KLF10: variants seen among roughly 807,000 people sequenced by gnomAD.
The protein encoded by KLF10 is KLF transcription factor 10, also known as Krueppel-like factor 10.
KLF10 carries 17 observed loss-of-function variants against 31.6 expected under a neutral mutation model. The ratio of observed to expected loss-of-function variants is 0.54; its 90% CI spans 0.37 to 0.81. KLF10 has a LOEUF of 0.81. Among genes scored for constraint, KLF10 ranks in the 30% least tolerant of loss-of-function variants. The pLI is 0.00. For missense variants in KLF10, 525 were observed against 598.1 expected (o/e 0.88, Z 1.27); for synonymous variants, 239 against 215.1 (o/e 1.11, Z -0.97).
intron 1 of KLF10, among the ~76,000 whole-genome samples, chr8:102,654,641 G>A (rs1381421199): frequency 2.6e-5 from 4 of 151,698 alleles, no homozygotes; most frequent in East Asian, 2.0e-4. Context: ...TAGACGCGGC[G>A]CCCCCTCCCC....
At chr8:102,654,244 G>A (rs1827302539) in intron 1 of KLF10, 1 of 146,300 alleles carries the variant, frequency 6.8e-6, no homozygotes, top group African/African-American at 2.5e-5. Flanking sequence ...CGGGGGAGGG[G>A]CCGCGGGCGC....
intron 1 of KLF10, chr8:102,654,095 G>C (rs1181504044): frequency 8.5e-6 from 3 of 352,770 alleles, no homozygotes; most frequent in African/African-American, 6.7e-5. Context: ...CGGGGGCGTG[G>C]GCGAGGAGGG....
In KLF10 at chr8:102,651,752, C is replaced by G. The variant is rs1827218175; in HGVS notation, c.580G>C (p.Glu194Gln). 1.2e-6 allele frequency: 2 copies of G among 1,614,126 alleles called. No homozygotes were observed. The highest frequency in any genetic ancestry group is 1.7e-6 in the Non-Finnish European group (2 of 1,180,054). Residue 194 changes from glutamate to glutamine, a missense_variant, in exon 3 of 4, where the codon GAG becomes CAG. Glu to Gln is a conservative substitution (Grantham distance 29). Around this residue, in one of 3 missense-constraint regions of KLF10, gnomAD observed 434 missense variants for 450.7 expected, o/e 0.96. Transcript: ENST00000285407. ...CATGGTATGTTCTTTCTTGCAGCCT[C>G]AACATTTAGGTGGGTTCTTCTTCTA... ...SFRRRTHLNV[E>Q]AARKNIPCAA...
chr8:102,654,290 C>A (rs1827303973), intron 1 of KLF10: 1 of 145,022 alleles, frequency 6.9e-6, no homozygotes, highest in African/African-American at 2.5e-5. Flanking sequence ...GCCGGGCCCG[C>A]GGGGAGGGGC....
In KLF10 at chr8:102,653,975, G is replaced by A. The variant is rs1368401854; in HGVS notation, c.37-1578C>T. The A allele has an allele frequency of 1.3e-5, 13 of 985,708 alleles. No homozygotes were observed. The South Asian group carries it at 3.7e-4, about 28-fold the overall frequency. 61.1% of individuals were successfully genotyped at this position (985,708 alleles called of 1,614,324 possible). ...CGCCCTAACCTCAATGAGGCTCACG[G>A]GTGAGTCACTGGGAACATTCCTCGC... On this transcript the variant is annotated intron_variant, in intron 1 of 3. Transcript: ENST00000285407.
chr8:102,652,095 C>A (rs370557123), intron 2 of KLF10, 34 bp from the exon 3 acceptor site: 21 of 1,516,604 alleles, frequency 1.4e-5, no homozygotes, highest in Admixed American at 4.4e-5. Context: ...CATGAGAAAT[C>A]TACAGTTTAT....
chr8:102,651,964 G>A lies in KLF10; in HGVS notation c.368C>T (p.Ser123Leu). The A allele has an allele frequency of 6.2e-7, 1 of 1,614,056 alleles. No homozygotes were observed. Among genetic ancestry groups the A allele is most frequent in the Non-Finnish European group, 8.5e-7 (1 of 1,180,032 alleles). Residue 123 changes from serine to leucine, a missense_variant, in exon 3 of 4, where the codon TCA becomes TTA. Physicochemically the swap from Ser to Leu is moderately radical, Grantham distance 145 (BLOSUM62 -2). Coordinates refer to ENST00000285407, the MANE Select transcript of KLF10 (RefSeq NM_005655.4). The part of the protein sequence containing the change: ...APSTVHFKSL[S>L]DTAKPHIAAP... Reference sequence around the variant, plus strand: ...GGCAATGTGAGGTTTGGCAGTATCTGAGAGTGACTTGAAGTGTACAGTAGA... The same window carrying A: ...GGCAATGTGAGGTTTGGCAGTATCTAAGAGTGACTTGAAGTGTACAGTAGA...
rs143947106 is a variant in KLF10 at position 102,651,324 on chromosome 8, C to T, written c.1008G>A (p.Pro336=). The T allele has an allele frequency of 1.5e-4, 232 of 1,598,210 alleles. 1 individual carries two copies. In the African/African-American group the frequency reaches 2.5e-3, roughly 17 times the overall value. The change falls in exon 3 of 4, where the codon CCG becomes CCA. Residue 336 remains proline, a synonymous_variant. Transcript: ENST00000285407. ...VQSSKPPVVS[P]NGTRLSPIAP... ...CAATGGGAGAGAGTCTGGTGCCATT[C>T]GGGCTCACCACCGGAGGCTTTGAAC...
In KLF10 at chr8:102,651,261, G is replaced by A. The variant is rs760325244; in HGVS notation, c.1071C>T (p.Val357=). ...TCCTTGATGAATCAATCTGAGGAGT[G>A]ACTTTTGCTGCTGAAGGGGAAAACC... is the stretch of plus-strand genomic sequence containing the variant. ...APGFSPSAAK[V]TPQIDSSRIR... Residue 357 remains valine, a synonymous_variant, in exon 3 of 4, where the codon GTC becomes GTT. Transcript: ENST00000285407. 1 of 1,606,468 alleles carries A rather than the reference G, an allele frequency of 6.2e-7. No individual in the cohort carries two copies. The highest frequency in any genetic ancestry group is 8.5e-7 in the Non-Finnish European group (1 of 1,176,340).
chr8:102,654,215 C>A (rs1230535630), intron 1 of KLF10: 2 of 148,562 alleles, frequency 1.3e-5, no homozygotes, highest in South Asian at 2.1e-4. Context: ...AGCTTGCGGG[C>A]CCCCGCCCGC....
In KLF10 at chr8:102,655,700, C is replaced by A. The variant is rs1168112825; in HGVS notation, c.-99G>T. ...ACGGAGACACTCGACGCCGCTCCCG[C>A]CGCCGCCGCGCTCAGCGCCGTCTGC... On this transcript the variant is annotated 5_prime_UTR_variant, in exon 1 of 4. Coordinates refer to ENST00000285407, the MANE Select transcript of KLF10 (RefSeq NM_005655.4). 4 of 1,385,430 alleles carry A rather than the reference C, an allele frequency of 2.9e-6. No individual in the cohort carries two copies. The highest frequency in any genetic ancestry group is 4.0e-6 in the Non-Finnish European group (4 of 992,776). 85.8% of individuals were successfully genotyped at this position (1,385,430 alleles called of 1,614,324 possible).
chr8:102,650,748 T>C (rs1257877696), intron 3 of KLF10, among the ~76,000 whole-genome samples: 2 of 152,198 alleles, frequency 1.3e-5, no homozygotes, highest in Non-Finnish European at 2.9e-5. Context: ...AAAGACTTCC[T>C]GACTTTAACT....
intron 3 of KLF10, 61 bp downstream of exon 3, chr8:102,651,088 T>C: frequency 7.1e-7 from 1 of 1,413,808 alleles, no homozygotes; most frequent in Non-Finnish European, 9.5e-7. Context: ...TGGGTTTAAA[T>C]GTGTGATCAC....
In KLF10 at chr8:102,655,711, C is replaced by T. The variant is rs1236527774; in HGVS notation, c.-110G>A. ...CGACGCCGCTCCCGCCGCCGCCGCGCTCAGCGCCGTCTGCCCCCTCCCCAT... is the reference window on the plus strand; with the variant it reads ...CGACGCCGCTCCCGCCGCCGCCGCGTTCAGCGCCGTCTGCCCCCTCCCCAT... On this transcript the variant is annotated 5_prime_UTR_variant, in exon 1 of 4. Transcript: ENST00000285407. The T allele has an allele frequency of 3.5e-5, 45 of 1,301,118 alleles. No homozygotes were observed. The highest frequency in any genetic ancestry group is 4.8e-5 in the Non-Finnish European group (44 of 919,932). 80.6% of individuals were successfully genotyped at this position (1,301,118 alleles called of 1,614,324 possible). A position where few individuals can be genotyped will look rare whatever the true frequency, so the allele number is the denominator to read the frequency against.
chr8:102,653,616 T>C (rs1827271192), intron 1 of KLF10: 1 of 1,339,510 alleles, frequency 7.5e-7, no homozygotes, highest in Admixed American at 3.9e-5. Flanking sequence ...GCCTTCGTGT[T>C]GAAATCCTAA....
At chr8:102,655,479 G>T (rs1404247860) in intron 1 of KLF10, 87 bp downstream of exon 1, 2 of 1,528,154 alleles carry the variant, frequency 1.3e-6, no homozygotes, top group Non-Finnish European at 1.8e-6. Flanking sequence ...AGGCATGGCT[G>T]ATGTCCGGGG....
chr8:102,655,506 C>T, intron 1 of KLF10, 60 bp downstream of exon 1: 1 of 1,606,266 alleles, frequency 6.2e-7, no homozygotes, highest in East Asian at 2.2e-5. Flanking sequence ...GTTCGCGCCC[C>T]CTTTGGCCCC....
chr8:102,651,681 C>T lies in KLF10; in HGVS notation c.651G>A (p.Val217=), dbSNP rs748489116. The T allele has an allele frequency of 8.1e-6, 13 of 1,614,220 alleles. No homozygotes were observed. The Admixed American group carries it at 2.0e-4, about 25-fold the overall frequency. Residue 217 remains valine (V), a synonymous_variant, in exon 3 of 4, where the codon GTG becomes GTA. Transcript: ENST00000285407. ...CACTTGCTTTCTCATCAACATCTGC[C>T]ACTGTGTTTCTCTCACATTTGGATC... ...PNRSKCERNT[V]ADVDEKASAA... is the part of the protein sequence containing the mutation.
rs552041255 is a variant in KLF10 at position 102,652,431 on chromosome 8, A to AT, written c.37-35dup. Reference sequence around the variant, plus strand: ...ACAAAAGAGGAAAGCTTATAAGCATATTTTTTGTCATCCAAATGACACACA... The same window carrying AT: ...ACAAAAGAGGAAAGCTTATAAGCATATTTTTTTGTCATCCAAATGACACACA... On this transcript the variant is annotated intron_variant, in intron 1 of 3. Coordinates refer to ENST00000285407, the MANE Select transcript of KLF10 (RefSeq NM_005655.4). 2.0e-4 allele frequency: 252 copies of AT among 1,260,660 alleles called. 1 individual carries two copies. The African/African-American group carries it at 3.2e-3, about 16-fold the overall frequency. The allele number at this position is 1,260,660 out of a possible 1,614,324, so 78.1% of individuals were successfully genotyped here.
Sources: allele counts gnomAD v4.1 joint callset (sites outside exome capture counted in the v4.1 genomes callset), GRCh38; gene constraint gnomAD v4.1.1; regional missense constraint gnomAD v4.1.1; transcripts MANE v1.5; gene names NCBI Gene and HGNC (gene_info 2026-07-23, HGNC 2026-07-21).